The following PABPC1 variants were observed in gnomAD, a reference collection of about 807,000 sequenced individuals.
The protein encoded by PABPC1 is polyadenylate-binding protein 1.
PABPC1 carries 4 observed loss-of-function variants against 74.0 expected under a neutral mutation model. The ratio of observed to expected loss-of-function variants is 0.05; its 90% confidence interval spans 0.03 to 0.12. PABPC1 has a LOEUF of 0.12. Among genes scored for constraint, PABPC1 ranks in the 10% least tolerant of loss-of-function variants. PABPC1 has a pLI of 1.00. For synonymous variants in PABPC1, 227 were observed against 264.1 expected (o/e 0.86, Z 1.36); for missense variants, 271 against 821.1 (o/e 0.33, Z 8.19).
At chr8:100,716,116 G>C (rs1349196356) in intron 3 of PABPC1, among the ~76,000 whole-genome samples, 1 of 152,178 alleles carries the variant, frequency 6.6e-6, no homozygotes, top group Non-Finnish European at 1.5e-5. Context: ...TCAGAACAAG[G>C]ATCACTGGGC....
At chr8:100,709,337 TC>T (rs1769103570) in intron 8 of PABPC1, 114 bp from the exon 9 acceptor site, 7 of 1,459,846 alleles carry the variant, frequency 4.8e-6, no homozygotes, top group Non-Finnish European at 6.7e-6. Context: ...AAGCATTTTT[TC>T]CTACTCAATC....
intron 8 of PABPC1, 102 bp from the exon 9 acceptor site, chr8:100,709,325 T>C: frequency 6.9e-7 from 1 of 1,456,172 alleles, no homozygotes; most frequent in Non-Finnish European, 9.6e-7. Context: ...GACTTCACAC[T>C]CAAGCATTTT....
intron 1 of PABPC1, among the ~76,000 whole-genome samples, chr8:100,719,341 C>T (rs367557863): frequency 6.6e-6 from 1 of 151,632 alleles, no homozygotes; most frequent in African/African-American, 2.4e-5. Flanking sequence ...TAGTGATAAT[C>T]AGCTGTTAGC....
chr8:100,709,414 C>G, intron 8 of PABPC1, 45 bp downstream of exon 8: 2 of 1,607,750 alleles, frequency 1.2e-6, no homozygotes, highest in Middle Eastern at 1.7e-4. Flanking sequence ...TAGAAATGAC[C>G]AAATACGAAA....
chr8:100,707,457 C>T lies in PABPC1; in HGVS notation c.1337-460G>A, dbSNP rs552978218. 9.9e-5 allele frequency among the ~76,000 whole-genome samples: 15 copies of T among 152,242 alleles called. No individual in the cohort carries two copies. In the East Asian group the frequency reaches 2.7e-3, roughly 27 times the overall value. On this transcript the variant is annotated intron_variant, in intron 9 of 14. Coordinates refer to ENST00000318607, the MANE Select transcript of PABPC1 (RefSeq NM_002568.4). ...ATGATAGGTAAGGTCACGTGGGTTA[C>T]GTGTCCACTGGAGAGGGGGCCCTTC...
chr8:100,705,504 G>C lies in PABPC1; in HGVS notation c.1687+85C>G, dbSNP rs1420239140. On this transcript the variant is annotated intron_variant, in intron 12 of 14. Coordinates refer to ENST00000318607, the MANE Select transcript of PABPC1 (RefSeq NM_002568.4). The stretch of plus-strand genomic sequence containing the variant: ...AATTCAGATCAATTCCACTGCCCTA[G>C]CTGTCAATTGATTGACCTAGTGCCT... 4 of 808,648 alleles carry C rather than the reference G, an allele frequency of 4.9e-6. No homozygotes were observed. The African/African-American group carries it at 5.1e-5, about 10-fold the overall frequency. 50.1% of individuals were successfully genotyped at this position (808,648 alleles called of 1,614,324 possible).
At chr8:100,709,790 G>C in intron 7 of PABPC1, 59 bp from the exon 8 acceptor site, 1 of 1,479,314 alleles carries the variant, frequency 6.8e-7, no homozygotes, top group South Asian at 1.3e-5. Flanking sequence ...CAAAAAAAGA[G>C]CGTTACAATT....
rs972527834 is a variant in PABPC1 at position 100,704,313 on chromosome 8, A to G, written c.1896T>C (p.Gly632=). 2 of 1,613,442 alleles carry G rather than the reference A, an allele frequency of 1.2e-6. No homozygotes were observed. Among genetic ancestry groups the G allele is most frequent in the African/African-American group, 2.7e-5 (2 of 74,918 alleles). ...AAAGCTCACTTTAAACAGTTGGAAC[A>G]CCGGTGGCACTGTTAACTGCTTTCT... ...AAQKAVNSAT[G]VPTV is the part of the protein sequence containing the mutation. The change falls in exon 14 of 15, where the codon GGT becomes GGC. Residue 632 remains glycine (G), a synonymous_variant. Coordinates refer to ENST00000318607, the MANE Select transcript of PABPC1 (RefSeq NM_002568.4).
At chr8:100,713,055 C>T in intron 5 of PABPC1, 32 bp downstream of exon 5, 2 of 1,438,252 alleles carry the variant, frequency 1.4e-6, no homozygotes, top group South Asian at 2.5e-5. Context: ...AACTTTGTAC[C>T]CCCTTCTTCC....
intron 8 of PABPC1, 78 bp downstream of exon 8, chr8:100,709,381 G>A (rs192155532): frequency 3.6e-4 from 557 of 1,543,272 alleles, no homozygotes; most frequent in Non-Finnish European, 4.5e-4. Flanking sequence ...TCACATTTGC[G>A]GGGCGAGGGG....
chr8:100,703,928 C>A (rs921353297), intron 14 of PABPC1, among the ~76,000 whole-genome samples: 1 of 151,816 alleles, frequency 6.6e-6, no homozygotes, highest in Non-Finnish European at 1.5e-5. Context: ...CAGGCATGGG[C>A]CTGTTAATCC....
At chr8:100,713,820 A>G (rs930106878) in intron 4 of PABPC1, among the ~76,000 whole-genome samples, 9 of 151,286 alleles carry the variant, frequency 5.9e-5, no homozygotes, top group African/African-American at 2.0e-4. Flanking sequence ...TTAAGAAACA[A>G]GTATTTATTA....
chr8:100,706,029 G>A (rs1428865197), intron 11 of PABPC1, among the ~76,000 whole-genome samples: 1 of 152,036 alleles, frequency 6.6e-6, no homozygotes, highest in African/African-American at 2.4e-5. Context: ...TATATTTTTA[G>A]AGCTGGGGTT....
At chr8:100,704,802 G>T in intron 13 of PABPC1, 124 bp downstream of exon 13, 3 of 954,414 alleles carry the variant, frequency 3.1e-6, no homozygotes, top group Admixed American at 2.4e-5. Context: ...AGGTTATTAT[G>T]CAGACTTTAC....
Position 100,705,059 on chromosome 8 carries a change from AG to A in PABPC1, c.1688-4del, listed in dbSNP as rs1191707546. The A allele has an allele frequency of 3.7e-6, 6 of 1,602,812 alleles. No individual in the cohort carries two copies. In the African/African-American group the frequency reaches 4.0e-5, roughly 11 times the overall value. ...AATAAGAGGAAACAGCCGTTCACCT[AG>A]GAACAGAAACATTCAAAAACTCCCT... is the stretch of plus-strand genomic sequence containing the variant. On this transcript the variant is annotated splice_polypyrimidine_tract_variant and splice_region_variant and intron_variant, in intron 12 of 14. Transcript: ENST00000318607.
chr8:100,704,243 T>C, intron 14 of PABPC1, 54 bp downstream of exon 14: 4 of 1,348,328 alleles, frequency 3.0e-6, no homozygotes, highest in South Asian at 1.2e-5. Context: ...CAACAAACTT[T>C]ATAAAAGATG....
chr8:100,704,272 C>G, intron 14 of PABPC1, 25 bp downstream of exon 14: 1 of 1,567,496 alleles, frequency 6.4e-7, no homozygotes, highest in African/African-American at 1.4e-5. Context: ...AAGCTTAAAA[C>G]AACAAACCAG....
intron 7 of PABPC1, among the ~76,000 whole-genome samples, chr8:100,711,706 C>A (rs914663778): frequency 6.6e-6 from 1 of 152,242 alleles, no homozygotes; most frequent in Non-Finnish European, 1.5e-5. Flanking sequence ...CTCACTCTCA[C>A]AGAAGCTTCC....
At chr8:100,718,367 G>C in intron 1 of PABPC1, 87 bp from the exon 2 acceptor site, 2 of 1,050,864 alleles carry the variant, frequency 1.9e-6, no homozygotes, top group East Asian at 5.2e-5. Context: ...GACTGGAGTG[G>C]GAGGACACAT....
Sources: gnomAD v4.1 joint callset for allele counts (sites outside exome capture counted in the v4.1 genomes callset) on GRCh38, gnomAD v4.1.1 for gene constraint, MANE v1.5 for transcripts, NCBI Gene and HGNC (gene_info 2026-07-23, HGNC 2026-07-21) for gene names.